The following NUP98 variants were observed in gnomAD, a reference collection of about 807,000 sequenced individuals.
NUP98 encodes the protein nucleoporin 98 and 96 precursor.
In NUP98, 26 loss-of-function variants were observed where a neutral mutation model predicts 191.9. The ratio of observed to expected loss-of-function variants is 0.14; its 90% CI spans 0.10 to 0.19. The LOEUF (loss-of-function observed/expected upper bound fraction) is 0.19. Among genes scored for constraint, NUP98 ranks in the 10% least tolerant of loss-of-function variants. The pLI, the probability that NUP98 is intolerant of heterozygous loss-of-function variation, is 1.00. For missense variants in NUP98, 1,941 were observed against 2,178.8 expected (o/e 0.89, Z 2.17); for synonymous variants, 808 against 778.4 (o/e 1.04, Z -0.63).
intron 1 of NUP98, among the ~76,000 whole-genome samples, chr11:3,788,492 G>T (rs2082218566): frequency 6.6e-6 from 1 of 152,166 alleles, no homozygotes; most frequent in Non-Finnish European, 1.5e-5. Flanking sequence ...TCAGGAGGCT[G>T]AGGCAGGAGA....
At chr11:3,728,401 T>G (rs1007358515) in intron 14 of NUP98, among the ~76,000 whole-genome samples, 1 of 152,208 alleles carries the variant, frequency 6.6e-6, no homozygotes, top group African/African-American at 2.4e-5. Flanking sequence ...ACCACTGTGA[T>G]AGCAATGTTT....
Position 3,686,013 on chromosome 11 carries a change from C to T in NUP98, c.4636G>A (p.Glu1546Lys). 6.2e-7 allele frequency: 1 copy of T among 1,614,196 alleles called. No homozygotes were observed. Among genetic ancestry groups the T allele is most frequent in the Non-Finnish European group, 8.5e-7 (1 of 1,180,040 alleles). ...AGQLESEGLW[E>K]WAIFVLLHID... ...TGCAGGAGGACAAAGATGGCCCACT[C>T]CCAGAGCCCCTCACTTTCAAGCTGG... Residue 1546 changes from glutamate (E) to lysine (K), a missense_variant, in exon 29 of 33, where the codon GAG becomes AAG. Transcript: ENST00000324932.
chr11:3,791,480 G>T (rs2082345617), intron 1 of NUP98, among the ~76,000 whole-genome samples: 1 of 137,958 alleles, frequency 7.2e-6, no homozygotes, highest in Non-Finnish European at 1.5e-5. Context: ...GTTGCAGTGA[G>T]TTGAGATCCC....
In NUP98 at chr11:3,683,302, G is replaced by A; in HGVS notation, c.4816C>T (p.Arg1606Ter). 6.2e-7 allele frequency: 1 copy of A among 1,614,080 alleles called. No homozygotes were observed. The highest frequency in any genetic ancestry group is 8.5e-7 in the Non-Finnish European group (1 of 1,180,006). The change falls in exon 30 of 33, where the codon CGA (arginine) becomes TGA (stop). Residue 1606 changes from arginine (R) to a stop codon, truncating the protein, a stop_gained. Coordinates refer to ENST00000324932, the MANE Select transcript of NUP98 (RefSeq NM_016320.5). LOFTEE classifies it high-confidence loss of function. ...AKWIHEAKAV[R>*]AHMESDKHLE... Reference sequence around the variant, plus strand: ...TGCTTGTCAGATTCCATGTGTGCTCGCACAGCTTTGGCCTCGTGGATCCAT... The same window carrying A: ...TGCTTGTCAGATTCCATGTGTGCTCACACAGCTTTGGCCTCGTGGATCCAT...
At chr11:3,693,018 A>C (rs564366699) in intron 27 of NUP98, 5 of 483,880 alleles carry the variant, frequency 1.0e-5, no homozygotes, top group African/African-American at 9.7e-5. Flanking sequence ...ATGAAGAAGA[A>C]CCCTCTGATT....
chr11:3,727,566 AAG>A (rs776666462), intron 14 of NUP98, among the ~76,000 whole-genome samples: 3 of 152,104 alleles, frequency 2.0e-5, no homozygotes, highest in Non-Finnish European at 4.4e-5. Context: ...TGGGGGTAGA[AAG>A]AGAGAGTAAA....
At chr11:3,744,127 A>C (rs1156321865) in intron 12 of NUP98, among the ~76,000 whole-genome samples, 1 of 152,242 alleles carries the variant, frequency 6.6e-6, no homozygotes, top group African/African-American at 2.4e-5. Flanking sequence ...TAAATTTAGT[A>C]AACATAATTA....
rs367654181 is a variant in NUP98 at position 3,695,529 on chromosome 11, C to T, written c.4087G>A (p.Val1363Met). Residue 1363 changes from valine to methionine, a missense_variant, in exon 26 of 33, where the codon GTG becomes ATG. Transcript: ENST00000324932. ...SVRELLTMQLVDWHQLQADSF... is the reference protein window; with the variant it reads ...SVRELLTMQLMDWHQLQADSF... Reference sequence around the variant, plus strand: ...TCTGCTTGGAGCTGATGCCAGTCCACCAACTGCATGGTGAGCAGCTCCCGG... The same window carrying T: ...TCTGCTTGGAGCTGATGCCAGTCCATCAACTGCATGGTGAGCAGCTCCCGG... The T allele has an allele frequency of 6.2e-7, 1 of 1,611,230 alleles. No individual in the cohort carries two copies. The highest frequency in any genetic ancestry group is 1.3e-5 in the African/African-American group (1 of 74,792).
In NUP98 at chr11:3,778,962, T is replaced by C; in HGVS notation, c.266A>G (p.Asn89Ser). Residue 89 changes from asparagine (N) to serine (S), a missense_variant, in exon 4 of 33, where the codon AAT becomes AGT. Around this residue, in one of 6 missense-constraint regions of NUP98, gnomAD observed 154 missense variants for 182.9 expected, o/e 0.84. Coordinates refer to ENST00000324932, the MANE Select transcript of NUP98 (RefSeq NM_016320.5). ...FGFGTSTGTA[N>S]TLFGTASTGT... ...TGTGCTTGCAGTTCCAAACAAGGTA[T>C]TTGCTGTTCCTGTTGACGTACCAAA... 6.2e-7 allele frequency: 1 copy of C among 1,614,178 alleles called. No homozygotes were observed. Among genetic ancestry groups the C allele is most frequent in the African/African-American group, 1.3e-5 (1 of 75,034 alleles).
intron 21 of NUP98, 32 bp downstream of exon 21, chr11:3,706,409 GCTTT>G: frequency 6.3e-7 from 1 of 1,597,992 alleles, no homozygotes. Context: ...TATTAGTTTG[GCTTT>G]CTGTTACAAA....
intron 4 of NUP98, among the ~76,000 whole-genome samples, chr11:3,777,388 C>A (rs2081769493): frequency 6.6e-6 from 1 of 152,012 alleles, no homozygotes; most frequent in South Asian, 2.1e-4. Context: ...TTTGGGAGGC[C>A]AAGGCGGGTG....
Position 3,700,638 on chromosome 11 carries a change from T to C in NUP98, c.3714A>G (p.Glu1238=), listed in dbSNP as rs755300517. ...VIHDYADWVK[E]ASGDLPEAQI... is the part of the protein sequence containing the mutation. ...GTGCTTCTGGTAAGTCTCCTGATGCTTCTTTAACCCAATCTGCATAGTCAT... is the reference window on the plus strand; with the variant it reads ...GTGCTTCTGGTAAGTCTCCTGATGCCTCTTTAACCCAATCTGCATAGTCAT... The change falls in exon 24 of 33, where the codon GAA becomes GAG. Residue 1238 remains glutamate (E), a synonymous_variant. Transcript: ENST00000324932. The C allele has an allele frequency of 1.2e-6, 2 of 1,613,856 alleles. No homozygotes were observed. The highest frequency in any genetic ancestry group is 1.7e-6 in the Non-Finnish European group (2 of 1,179,928).
intron 20 of NUP98, among the ~76,000 whole-genome samples, chr11:3,707,952 T>C (rs778697071): frequency 5.9e-4 from 89 of 151,776 alleles, no homozygotes; most frequent in Non-Finnish European, 3.1e-4. Context: ...AATACAAAAA[T>C]TAGCCAGGTG....
intron 14 of NUP98, among the ~76,000 whole-genome samples, chr11:3,725,574 CTT>C (rs2079584490): frequency 4.6e-5 from 7 of 152,206 alleles, no homozygotes; most frequent in Admixed American, 3.3e-4. Flanking sequence ...TCTCCAAATG[CTT>C]TCTCTCTCTT....
chr11:3,700,712 C>A lies in NUP98; in HGVS notation c.3640G>T (p.Asp1214Tyr). The A allele has an allele frequency of 6.2e-7, 1 of 1,613,968 alleles. No individual in the cohort carries two copies. Among genetic ancestry groups the A allele is most frequent in the Non-Finnish European group, 8.5e-7 (1 of 1,179,844 alleles). Residue 1214 changes from aspartate (D) to tyrosine (Y), a missense_variant, in exon 24 of 33, where the codon GAT becomes TAT. Transcript: ENST00000324932. ...LKLKHSTVHV[D>Y]ELCPLIVPNL... The stretch of plus-strand genomic sequence containing the variant: ...GGGACAATGAGAGGACACAGTTCAT[C>A]CACATGGACAGTGCTGTGTTTTAAT...
intron 1 of NUP98, among the ~76,000 whole-genome samples, chr11:3,790,412 T>C (rs1428388084): frequency 1.3e-5 from 2 of 152,206 alleles, no homozygotes; most frequent in Non-Finnish European, 2.9e-5. Context: ...ATGTGAAATA[T>C]TGTTCTAGAT....
In NUP98 at chr11:3,779,068, A is replaced by C; in HGVS notation, c.179-19T>G. 6.2e-7 allele frequency: 1 copy of C among 1,614,088 alleles called. No homozygotes were observed. Among genetic ancestry groups the C allele is most frequent in the Non-Finnish European group, 8.5e-7 (1 of 1,179,972 alleles). ...AATCCTCCTGAGGAGATGGAGAAGG[A>C]GGGAAAAAGTTAAGTACATCAGAGC... On this transcript the variant is annotated intron_variant, in intron 3 of 32. Coordinates refer to ENST00000324932, the MANE Select transcript of NUP98 (RefSeq NM_016320.5).
chr11:3,764,816 G>C (rs948893879), intron 8 of NUP98, among the ~76,000 whole-genome samples: 3 of 152,202 alleles, frequency 2.0e-5, no homozygotes, highest in Non-Finnish European at 2.9e-5. Flanking sequence ...CTGACCTCGT[G>C]ATCTGCCTGC....
intron 18 of NUP98, among the ~76,000 whole-genome samples, chr11:3,715,348 T>C (rs1471782026): frequency 6.6e-6 from 1 of 152,064 alleles, no homozygotes; most frequent in Non-Finnish European, 1.5e-5. Context: ...GGTTTTGCCA[T>C]GTTGGTCAGA....
Sources: gnomAD v4.1 joint callset for allele counts (sites outside exome capture counted in the v4.1 genomes callset) on GRCh38, gnomAD v4.1.1 for gene constraint, gnomAD v4.1.1 regional missense constraint, MANE v1.5 for transcripts, NCBI Gene and HGNC (gene_info 2026-07-23, HGNC 2026-07-21) for gene names.